PRDM16: variants seen among roughly 807,000 people sequenced by gnomAD.
PRDM16 encodes PR/SET domain 16, also known as histone-lysine N-methyltransferase PRDM16.
PRDM16 carries 23 observed loss-of-function variants against 110.6 expected under a neutral mutation model. The ratio of observed to expected loss-of-function variants is 0.21; its 90% CI spans 0.15 to 0.29. The LOEUF is 0.29. Among genes scored for constraint, PRDM16 ranks in the 10% least tolerant of loss-of-function variants. The probability of loss-of-function intolerance (pLI) is 1.00; values close to 1 mark genes in which losing one functional copy is unlikely to be tolerated. For missense variants in PRDM16, 1,615 were observed against 1,794.3 expected (o/e 0.90, Z 1.81); for synonymous variants, 799 against 781.8 (o/e 1.02, Z -0.37).
intron 3 of PRDM16, among the ~76,000 whole-genome samples, chr1:3,322,008 G>A (rs12043730): frequency 0.025 from 3,830 of 150,464 alleles, 269 homozygotes; most frequent in East Asian, 0.23. Context: ...GAGTGCGTAC[G>A]TTTGTGTGTG....
chr1:3,248,533 C>T (rs146929626), intron 3 of PRDM16, among the ~76,000 whole-genome samples: 1 of 152,164 alleles, frequency 6.6e-6, no homozygotes, highest in Non-Finnish European at 1.5e-5. Context: ...TCGGAAAAAA[C>T]GCATCCACCC....
intron 1 of PRDM16, among the ~76,000 whole-genome samples, chr1:3,162,430 A>T (rs1173465338): frequency 1.3e-5 from 2 of 152,190 alleles, no homozygotes; most frequent in Non-Finnish European, 2.9e-5. Flanking sequence ...AGCTCATCCC[A>T]GGGAAGCAAG....
In PRDM16 at chr1:3,243,459, T is replaced by C. The variant is rs188738846; in HGVS notation, c.388-628T>C. 1.5e-3 allele frequency among the ~76,000 whole-genome samples: 233 copies of C among 151,902 alleles called. 3 individuals carry two copies. Among genetic ancestry groups the C allele is most frequent in the African/African-American group, 5.3e-3 (218 of 41,440 alleles). ...CACCAAGCCACCCTTCCGCAGGGCG[T>C]TGGCCGACCTCTGCCCCTGCCTCTG... is the stretch of plus-strand genomic sequence containing the variant. On this transcript the variant is annotated intron_variant, in intron 2 of 16. Transcript: ENST00000270722. The surrounding 1 kb of genome is among the most constrained non-coding windows in gnomAD (Gnocchi z 5.5).
intron 3 of PRDM16, among the ~76,000 whole-genome samples, chr1:3,355,453 A>C (rs568878905): frequency 6.5e-4 from 99 of 152,252 alleles, no homozygotes; most frequent in African/African-American, 2.3e-3. Context: ...GGGTTGAACT[A>C]AACAGTCCCT....
chr1:3,169,369 C>T lies in PRDM16; in HGVS notation c.38-16756C>T, dbSNP rs532043933. On this transcript the variant is annotated intron_variant, in intron 1 of 16. Transcript: ENST00000270722. The stretch of plus-strand genomic sequence containing the variant: ...GCTCAGGGAAACACCCTACGGTTGC[C>T]ATGGGAGCCCCGTCCCTAGCGACTC... Among the ~76,000 whole-genome samples, 151 of 152,236 alleles carry T rather than the reference C, an allele frequency of 9.9e-4. 2 individuals carry two copies. The highest frequency in any genetic ancestry group is 1.8e-3 in the Non-Finnish European group (125 of 68,024).
At chr1:3,070,123 G>A (rs1264755981) in intron 1 of PRDM16, among the ~76,000 whole-genome samples, 24 of 151,966 alleles carry the variant, frequency 1.6e-4, no homozygotes, top group Non-Finnish European at 3.2e-4. Flanking sequence ...CCTCGGGCCC[G>A]CGTGGACCCC....
chr1:3,408,665 A>T (rs1424761308), intron 8 of PRDM16, among the ~76,000 whole-genome samples: 3 of 128,950 alleles, frequency 2.3e-5, no homozygotes, highest in African/African-American at 3.5e-5. Context: ...CATGTGTGAG[A>T]GTGTGTGAGT....
chr1:3,144,965 C>T (rs991805878), intron 1 of PRDM16, among the ~76,000 whole-genome samples: 3 of 152,322 alleles, frequency 2.0e-5, no homozygotes, highest in East Asian at 1.9e-4. Flanking sequence ...AACCCCTGTG[C>T]GGCTTCAGGT....
At chr1:3,087,069 C>G (rs911620695) in intron 1 of PRDM16, among the ~76,000 whole-genome samples, 1 of 152,194 alleles carries the variant, frequency 6.6e-6, no homozygotes, top group African/African-American at 2.4e-5. Context: ...AAACGCTGCA[C>G]GTGCTGCCGG....
At chr1:3,160,799 C>T (rs748086737) in intron 1 of PRDM16, among the ~76,000 whole-genome samples, 1 of 152,218 alleles carries the variant, frequency 6.6e-6, no homozygotes, top group Non-Finnish European at 1.5e-5. Context: ...GGGCGGGGCA[C>T]TGTTGCCACC....
intron 3 of PRDM16, among the ~76,000 whole-genome samples, chr1:3,305,623 G>A (rs1415194425): frequency 6.6e-6 from 1 of 152,244 alleles, no homozygotes; most frequent in Non-Finnish European, 1.5e-5. Context: ...CAACATAGCT[G>A]AATGCTTCAG....
At chr1:3,210,512 G>A (rs1365109088) in intron 2 of PRDM16, among the ~76,000 whole-genome samples, 2 of 152,248 alleles carry the variant, frequency 1.3e-5, no homozygotes, top group East Asian at 1.9e-4. Context: ...GTGCACGCGT[G>A]TGACTTTCAC....
At chr1:3,087,612 T>A (rs1027655300) in intron 1 of PRDM16, among the ~76,000 whole-genome samples, 45 of 152,166 alleles carry the variant, frequency 3.0e-4, no homozygotes, top group African/African-American at 1.0e-3. Context: ...GCAGATGCAT[T>A]CTTAGTCAAA....
rs371108350 is a variant in PRDM16, at chr1:3,194,067, G to A, written c.387+7593G>A. On this transcript the variant is annotated intron_variant, in intron 2 of 16. Transcript: ENST00000270722. ...CCGAGAGCAGCTGACCTAGATAGGA[G>A]GAGTGGAGAGCCCGCCTGCATGTCC... 1.1e-4 allele frequency among the ~76,000 whole-genome samples: 16 copies of A among 152,360 alleles called. No homozygotes were observed. The East Asian group carries it at 2.5e-3, about 24-fold the overall frequency.
chr1:3,147,664 C>T (rs1643702125), intron 1 of PRDM16, among the ~76,000 whole-genome samples: 1 of 152,176 alleles, frequency 6.6e-6, no homozygotes, highest in Admixed American at 6.5e-5. Flanking sequence ...CACACAGCAC[C>T]GGTCCCAAGC....
At position 3,394,848 on chromosome 1, in the gene PRDM16, A is replaced by ATTTTTT. The variant is rs35210583; in HGVS notation, c.574-1637_574-1632dup. Among the ~76,000 whole-genome samples, 15 of 151,122 alleles carry ATTTTTT rather than the reference A, an allele frequency of 9.9e-5. 1 individual carries two copies. The highest frequency in any genetic ancestry group is 4.2e-4 in the South Asian group (2 of 4,802). On this transcript the variant is annotated intron_variant, in intron 4 of 16. Transcript: ENST00000270722. ...GAGACAATGATTCAGCCACTGTGTGATTTTTTTTTTTGATAAGATGATACA... is the reference window on the plus strand; with the variant it reads ...GAGACAATGATTCAGCCACTGTGTGATTTTTTTTTTTTTTTTTGATAAGATGATACA...
At chr1:3,302,304 T>C (rs1641223535) in intron 3 of PRDM16, among the ~76,000 whole-genome samples, 1 of 152,166 alleles carries the variant, frequency 6.6e-6, no homozygotes. Flanking sequence ...AATGTTTTGG[T>C]CTACCATACC....
intron 1 of PRDM16, among the ~76,000 whole-genome samples, chr1:3,108,742 G>A (rs1422725783): frequency 6.6e-6 from 1 of 152,172 alleles, no homozygotes; most frequent in African/African-American, 2.4e-5. Flanking sequence ...CCAGATGTCT[G>A]TTCCCTTCCT....
intron 3 of PRDM16, among the ~76,000 whole-genome samples, chr1:3,322,590 G>A (rs1270698381): frequency 6.6e-6 from 1 of 151,662 alleles, no homozygotes; most frequent in Non-Finnish European, 1.5e-5. Flanking sequence ...CTGCACGTCC[G>A]GTCTCCTCCC....
Sources: allele counts gnomAD v4.1 joint callset (sites outside exome capture counted in the v4.1 genomes callset), GRCh38; gene constraint gnomAD v4.1.1; non-coding constraint Gnocchi (gnomAD v3.1); transcripts MANE v1.5; gene names NCBI Gene and HGNC (gene_info 2026-07-23, HGNC 2026-07-21).